The following SYNE2 variants were observed in gnomAD, a reference collection of about 807,000 sequenced individuals.
The protein encoded by SYNE2 is spectrin repeat containing nuclear envelope protein 2, also known as nesprin-2.
Under a neutral mutation model 856.3 loss-of-function variants are expected in SYNE2, and 431 were observed. The observed-to-expected ratio is 0.50, with a 90% CI of 0.47 to 0.55. The LOEUF (loss-of-function observed/expected upper bound fraction) is 0.55, where lower values mean the gene tolerates loss of function less well. SYNE2 is among the 20% of genes least tolerant of loss of function. SYNE2 has a pLI of 0.00. For synonymous variants in SYNE2, 2,923 were observed against 2,872.3 expected (o/e 1.02, Z -0.56); for missense variants, 8,129 against 8,023.2 (o/e 1.01, Z -0.50).
intron 94 of SYNE2, among the ~76,000 whole-genome samples, chr14:64,170,784 A>G (rs2098406885): frequency 6.6e-6 from 1 of 152,164 alleles, no homozygotes; most frequent in South Asian, 2.1e-4. Flanking sequence ...GCCACTGACT[A>G]ATGTATAAAT....
intron 1 of SYNE2, among the ~76,000 whole-genome samples, chr14:63,827,246 C>A (rs551713925): frequency 2.0e-5 from 3 of 150,270 alleles, no homozygotes; most frequent in South Asian, 4.2e-4. Flanking sequence ...CCACTGCATG[C>A]CAGCCTGGGT....
chr14:64,144,925 T>C (rs2098169021), intron 83 of SYNE2, among the ~76,000 whole-genome samples: 2 of 97,092 alleles, frequency 2.1e-5, no homozygotes, highest in African/African-American at 8.3e-5. Flanking sequence ...TGGGGCAGCT[T>C]TTTTTTTTTT....
intron 96 of SYNE2, among the ~76,000 whole-genome samples, chr14:64,182,719 T>A (rs1334307501): frequency 6.6e-6 from 1 of 152,200 alleles, no homozygotes; most frequent in African/African-American, 2.4e-5. Context: ...AGGTCATAGA[T>A]TAACAGCATC....
chr14:63,940,190 C>T (rs935621286), intron 2 of SYNE2, among the ~76,000 whole-genome samples: 27 of 151,788 alleles, frequency 1.8e-4, no homozygotes, highest in East Asian at 1.9e-4. Context: ...CCATCTTCCC[C>T]CCTCACAGGT....
At chr14:63,981,849 A>G (rs1419757134) in intron 16 of SYNE2, among the ~76,000 whole-genome samples, 1 of 152,192 alleles carries the variant, frequency 6.6e-6, no homozygotes, top group Non-Finnish European at 1.5e-5. Context: ...TTAATGTAAA[A>G]TTTGTGATAA....
At chr14:64,213,337 T>G (rs2098651280) in intron 105 of SYNE2, among the ~76,000 whole-genome samples, 1 of 152,188 alleles carries the variant, frequency 6.6e-6, no homozygotes, top group Non-Finnish European at 1.5e-5. Context: ...TTTATTACAT[T>G]AGTAACTTAG....
chr14:64,220,359 G>T, intron 110 of SYNE2, 78 bp from the exon 111 acceptor site: 3 of 1,503,632 alleles, frequency 2.0e-6, no homozygotes, highest in Admixed American at 3.4e-5. Flanking sequence ...TGGAAAATTT[G>T]TTCCCTACTG....
chr14:64,137,997 G>T lies in SYNE2; in HGVS notation c.14843+14G>T. On this transcript the variant is annotated intron_variant, in intron 79 of 115. Transcript: ENST00000555002. ...GCATCTGCTCAGGTCAGCCTTTTTG[G>T]GGGTGGATTGGCTTCATATTGTGCT... 6.2e-7 allele frequency: 1 copy of T among 1,608,920 alleles called. No individual in the cohort carries two copies. The highest frequency in any genetic ancestry group is 1.1e-5 in the South Asian group (1 of 90,488).
intron 1 of SYNE2, among the ~76,000 whole-genome samples, chr14:63,798,818 T>C (rs150684349): frequency 6.6e-6 from 1 of 152,288 alleles, no homozygotes; most frequent in African/African-American, 2.4e-5. Flanking sequence ...CCCATCTGTA[T>C]GGCTACTGTC....
chr14:63,961,898 T>C (rs182381054), intron 9 of SYNE2, among the ~76,000 whole-genome samples: 164 of 151,968 alleles, frequency 1.1e-3, no homozygotes, highest in Admixed American at 3.6e-3. Flanking sequence ...TTTTTTTTTT[T>C]AGGTTCAAAG....
chr14:64,202,122 T>A, intron 99 of SYNE2: 1 of 694,160 alleles, frequency 1.4e-6, no homozygotes, highest in East Asian at 2.7e-5. Flanking sequence ...TGAGGCAGAC[T>A]GGCGAGGGAG....
At position 64,021,368 on chromosome 14, in the gene SYNE2, A is replaced by G. The variant is rs1003210162; in HGVS notation, c.5205A>G (p.Thr1735=). The G allele has an allele frequency of 6.2e-7, 1 of 1,614,206 alleles. No individual in the cohort carries two copies. The highest frequency in any genetic ancestry group is 8.5e-7 in the Non-Finnish European group (1 of 1,180,030). ...TGGAACATGTACAGAAGTGCTTAACAGGAGAATCCAACTGCCATGCACTCA... is the reference window on the plus strand; with the variant it reads ...TGGAACATGTACAGAAGTGCTTAACGGGAGAATCCAACTGCCATGCACTCA... The part of the protein sequence containing the change: ...NKMEHVQKCL[T]GESNCHALSG... The change falls in exon 36 of 116, where the codon ACA becomes ACG. Residue 1735 remains threonine (T), a synonymous_variant. Transcript: ENST00000555002.
chr14:64,008,670 T>C (rs950311073), intron 31 of SYNE2, among the ~76,000 whole-genome samples: 1 of 151,936 alleles, frequency 6.6e-6, no homozygotes, highest in African/African-American at 2.4e-5. Flanking sequence ...TACATGAGGG[T>C]GGGGAGTGGT....
intron 19 of SYNE2, among the ~76,000 whole-genome samples, chr14:63,988,603 AC>A (rs974532155): frequency 6.6e-6 from 1 of 152,148 alleles, no homozygotes; most frequent in African/African-American, 2.4e-5. Context: ...ATTTTATCAT[AC>A]CCATGTATAT....
chr14:63,768,306 CCCACA>C (rs1886764611), intron 1 of SYNE2, among the ~76,000 whole-genome samples: 1 of 152,116 alleles, frequency 6.6e-6, no homozygotes, highest in African/African-American at 2.4e-5. Context: ...GACAAACCAC[CCCACA>C]ATTAAAGGCA....
chr14:64,048,214 T>G (rs2097199821), intron 46 of SYNE2, 59 bp downstream of exon 46: 1 of 1,555,624 alleles, frequency 6.4e-7, no homozygotes, highest in Non-Finnish European at 8.8e-7. Flanking sequence ...TGCAATACAA[T>G]ATATTTTAAT....
chr14:63,911,916 T>C (rs1345368580), intron 2 of SYNE2, among the ~76,000 whole-genome samples: 2 of 152,212 alleles, frequency 1.3e-5, no homozygotes, highest in African/African-American at 4.8e-5. Context: ...TGTTTTACAA[T>C]TGGAGAGTAG....
intron 8 of SYNE2, chr14:63,960,894 A>G: frequency 1.7e-6 from 1 of 590,370 alleles, no homozygotes; most frequent in Non-Finnish European, 3.1e-6. Context: ...AATAAAAAAT[A>G]AGATAAATAA....
intron 96 of SYNE2, among the ~76,000 whole-genome samples, chr14:64,181,326 T>C (rs1272667349): frequency 1.3e-5 from 2 of 152,248 alleles, no homozygotes; most frequent in African/African-American, 4.8e-5. Flanking sequence ...CTCATTAGGC[T>C]TAGAGCAAGA....
Sources: allele counts gnomAD v4.1 joint callset (sites outside exome capture counted in the v4.1 genomes callset), GRCh38; gene constraint gnomAD v4.1.1; transcripts MANE v1.5; gene names NCBI Gene and HGNC (gene_info 2026-07-23, HGNC 2026-07-21).